SHANK2: variants seen among roughly 807,000 people sequenced by gnomAD.
The protein encoded by SHANK2 is SH3 and multiple ankyrin repeat domains 2.
Under a neutral mutation model 133.7 loss-of-function variants are expected in SHANK2, and 43 were observed. The ratio of observed to expected loss-of-function variants is 0.32; its 90% CI spans 0.25 to 0.41. The LOEUF (loss-of-function observed/expected upper bound fraction) is 0.41. Among genes scored for constraint, SHANK2 ranks in the 10% least tolerant of loss-of-function variants. The pLI is 1.00. For synonymous variants in SHANK2, 1,017 were observed against 952.8 expected (o/e 1.07, Z -1.24); for missense variants, 1,994 against 2,235.8 (o/e 0.89, Z 2.18).
intron 17 of SHANK2, among the ~76,000 whole-genome samples, chr11:70,577,854 A>T (rs2060135830): frequency 6.6e-6 from 1 of 152,224 alleles, no homozygotes; most frequent in African/African-American, 2.4e-5. Context: ...AATTAAAATG[A>T]GGCCATTAGG....
intron 17 of SHANK2, among the ~76,000 whole-genome samples, chr11:70,539,062 T>G (rs1342734419): frequency 6.6e-6 from 1 of 152,244 alleles, no homozygotes; most frequent in Admixed American, 6.5e-5. Flanking sequence ...TTTTACCTTA[T>G]GCAGAGTTCT....
At chr11:70,925,084 G>A (rs1196539759) in intron 10 of SHANK2, among the ~76,000 whole-genome samples, 6 of 152,106 alleles carry the variant, frequency 3.9e-5, no homozygotes, top group East Asian at 1.9e-4. Context: ...TCTCCATGGC[G>A]GTCGACACTG....
chr11:70,635,815 G>C (rs546109691), intron 17 of SHANK2, among the ~76,000 whole-genome samples: 9 of 152,204 alleles, frequency 5.9e-5, no homozygotes, highest in African/African-American at 2.2e-4. Flanking sequence ...TCTCTTGGGG[G>C]CCAGCTCTCC....
chr11:70,683,935 C>G (rs1945087863), intron 15 of SHANK2, among the ~76,000 whole-genome samples: 1 of 152,084 alleles, frequency 6.6e-6, no homozygotes, highest in Admixed American at 6.6e-5. Context: ...AGGCCTACAC[C>G]ACCACGCCCA....
intron 4 of SHANK2, among the ~76,000 whole-genome samples, chr11:71,117,785 G>A (rs1490962853): frequency 6.6e-6 from 1 of 152,190 alleles, no homozygotes; most frequent in African/African-American, 2.4e-5. Flanking sequence ...CTCTTCATCA[G>A]CTGTGCGTTT....
At chr11:71,204,884 A>AG (rs1490114204) in intron 2 of SHANK2, among the ~76,000 whole-genome samples, 1 of 152,074 alleles carries the variant, frequency 6.6e-6, no homozygotes, top group Non-Finnish European at 1.5e-5. Flanking sequence ...CGGGCAGGGA[A>AG]GGGACGCCTG....
chr11:70,798,364 T>G, intron 14 of SHANK2, 79 bp downstream of exon 14: 1 of 703,500 alleles, frequency 1.4e-6, no homozygotes, highest in Non-Finnish European at 2.6e-6. Context: ...CGGCCGAATC[T>G]TGCCACGGAC....
At chr11:71,097,295 G>A (rs1488023684) in intron 6 of SHANK2, among the ~76,000 whole-genome samples, 4 of 152,078 alleles carry the variant, frequency 2.6e-5, no homozygotes, top group Non-Finnish European at 5.9e-5. Context: ...AATCACCCCC[G>A]AGAAGATGCT....
At chr11:70,811,470 T>C (rs1162633887) in intron 12 of SHANK2, among the ~76,000 whole-genome samples, 1 of 152,010 alleles carries the variant, frequency 6.6e-6, no homozygotes, top group African/African-American at 2.4e-5. Flanking sequence ...TCCACTCATC[T>C]CTTCTTTGTT....
chr11:70,757,595 G>T (rs1296316767), intron 14 of SHANK2, among the ~76,000 whole-genome samples: 1 of 152,258 alleles, frequency 6.6e-6, no homozygotes, highest in African/African-American at 2.4e-5. Flanking sequence ...TCCCAAGGGA[G>T]AAATATTTCA....
rs939414334 is a variant in SHANK2, at chr11:71,175,291, G to A, written c.-12-27953C>T. 2.6e-5 allele frequency among the ~76,000 whole-genome samples: 4 copies of A among 152,160 alleles called. No individual in the cohort carries two copies. On this transcript the variant is annotated intron_variant, in intron 2 of 25. Coordinates refer to ENST00000601538, the MANE Select transcript of SHANK2 (RefSeq NM_012309.5). This position sits in a 1 kb window ranked among gnomAD's most constrained non-coding sequence, Gnocchi z 4.2. ...ATGGGCATGGGAACAACACAGCTGA[G>A]CATGACAGGTCGCCCCAGGAAATGC...
chr11:70,952,463 A>G (rs1200102061), intron 10 of SHANK2, among the ~76,000 whole-genome samples: 1 of 152,202 alleles, frequency 6.6e-6, no homozygotes, highest in Non-Finnish European at 1.5e-5. Context: ...GTGGATAGAC[A>G]CAAGCTGTCT....
At chr11:71,239,121 A>T (rs1338443520) in intron 1 of SHANK2, among the ~76,000 whole-genome samples, 1 of 152,252 alleles carries the variant, frequency 6.6e-6, no homozygotes, top group Non-Finnish European at 1.5e-5. Flanking sequence ...CAGGCAGGCC[A>T]AGAGGGAGGA....
chr11:70,493,777 T>C (rs2058930993), intron 21 of SHANK2, among the ~76,000 whole-genome samples: 1 of 152,242 alleles, frequency 6.6e-6, no homozygotes, highest in South Asian at 2.1e-4. Flanking sequence ...GCAGGCCATC[T>C]GGAACATTCT....
chr11:71,230,145 C>T (rs1308479039), intron 1 of SHANK2, among the ~76,000 whole-genome samples: 1 of 152,078 alleles, frequency 6.6e-6, no homozygotes, highest in African/African-American at 2.4e-5. Context: ...AAAAAATTAG[C>T]CAGGTGTGGT....
chr11:71,059,203 G>A (rs1223106586), intron 9 of SHANK2, among the ~76,000 whole-genome samples: 2 of 152,160 alleles, frequency 1.3e-5, no homozygotes, highest in Non-Finnish European at 2.9e-5. Flanking sequence ...GGCAACAAGA[G>A]CGAAACTCTG....
intron 14 of SHANK2, among the ~76,000 whole-genome samples, chr11:70,766,644 G>C (rs377550369): frequency 6.6e-6 from 1 of 152,180 alleles, no homozygotes; most frequent in Admixed American, 6.5e-5. Flanking sequence ...AGTGTACGTG[G>C]ATATCAATGC....
chr11:71,145,846 C>G (rs575140659), intron 3 of SHANK2, among the ~76,000 whole-genome samples: 4 of 152,258 alleles, frequency 2.6e-5, no homozygotes, highest in African/African-American at 4.8e-5. Context: ...GGGCTTACCC[C>G]CTCAAGCACC....
chr11:71,193,707 C>T (rs1037067675), intron 2 of SHANK2, among the ~76,000 whole-genome samples: 1 of 152,198 alleles, frequency 6.6e-6, no homozygotes, highest in Non-Finnish European at 1.5e-5. Flanking sequence ...ACAGACCAGG[C>T]ACCTGAAACC....
Sources: allele counts gnomAD v4.1 joint callset (sites outside exome capture counted in the v4.1 genomes callset), GRCh38; gene constraint gnomAD v4.1.1; non-coding constraint Gnocchi (gnomAD v3.1); transcripts MANE v1.5; gene names NCBI Gene and HGNC (gene_info 2026-07-23, HGNC 2026-07-21).